The following HMCN1 variants were observed in gnomAD, a reference collection of about 807,000 sequenced individuals.
HMCN1 encodes hemicentin-1.
In HMCN1, 321 loss-of-function variants were observed where a neutral mutation model predicts 625.9. That is an observed-to-expected ratio of 0.51 (90% CI 0.47 to 0.56). HMCN1 has a LOEUF of 0.56. HMCN1 is among the 20% of genes least tolerant of loss of function. The pLI is 0.00. For synonymous variants in HMCN1, 2,425 were observed against 2,417.6 expected (o/e 1.00, Z -0.09); for missense variants, 6,588 against 6,887.3 (o/e 0.96, Z 1.54).
intron 45 of HMCN1, among the ~76,000 whole-genome samples, chr1:186,056,764 G>A (rs962835801): frequency 6.6e-6 from 1 of 151,680 alleles, no homozygotes; most frequent in Non-Finnish European, 1.5e-5. Context: ...AGAAAAGGAG[G>A]CAGGAGTTCA....
At chr1:186,137,300 C>T (rs892134190) in intron 87 of HMCN1, among the ~76,000 whole-genome samples, 198 bp from the exon 88 acceptor site, 5 of 152,148 alleles carry the variant, frequency 3.3e-5, no homozygotes, top group Non-Finnish European at 5.9e-5. Context: ...AGTGAGGATT[C>T]GATCTGAGAA....
In HMCN1 at chr1:185,802,166, G is replaced by C. The variant is rs932370898; in HGVS notation, c.269-43860G>C. Among the ~76,000 whole-genome samples, 4 of 152,096 alleles carry C rather than the reference G, an allele frequency of 2.6e-5. No homozygotes were observed. The South Asian group carries it at 6.2e-4, about 24-fold the overall frequency. Reference sequence around the variant, plus strand: ...TTGGGTAGGGGAGGAGTGAGGCTAGGCATGGGGTGAATCATGTCAACACCT... The same window carrying C: ...TTGGGTAGGGGAGGAGTGAGGCTAGCCATGGGGTGAATCATGTCAACACCT... On this transcript the variant is annotated intron_variant, in intron 1 of 106. Coordinates refer to ENST00000271588, the MANE Select transcript of HMCN1 (RefSeq NM_031935.3).
intron 76 of HMCN1, 84 bp downstream of exon 76, chr1:186,117,199 C>CT (rs878963318): frequency 0.028 from 32,857 of 1,152,968 alleles, no homozygotes; most frequent in Non-Finnish European, 0.032. Flanking sequence ...GATCCCTTTT[C>CT]TTTTTTTTTT....
Position 185,984,294 on chromosome 1 carries a change from T to C in HMCN1, c.2916T>C (p.Thr972=). The part of the protein sequence containing the change: ...ASNVAGTNNK[T]TSVVVHVLPT... ...ACGTTGCTGGGACCAATAACAAAAC[T>C]ACCTCTGTGGTTGTGCATGGTAAGA... Residue 972 remains threonine, a synonymous_variant, in exon 19 of 107, where the codon ACT becomes ACC. Coordinates refer to ENST00000271588, the MANE Select transcript of HMCN1 (RefSeq NM_031935.3). 3.7e-6 allele frequency: 6 copies of C among 1,614,050 alleles called. No individual in the cohort carries two copies. Among genetic ancestry groups the C allele is most frequent in the Non-Finnish European group, 5.1e-6 (6 of 1,179,936 alleles).
At chr1:186,105,369 A>G (rs1350583087) in intron 69 of HMCN1, among the ~76,000 whole-genome samples, 1 of 152,154 alleles carries the variant, frequency 6.6e-6, no homozygotes, top group Non-Finnish European at 1.5e-5. Context: ...ACTGCATTAT[A>G]TTTTGCTTAT....
chr1:185,975,232 G>A (rs951747550), intron 15 of HMCN1, among the ~76,000 whole-genome samples: 5 of 152,094 alleles, frequency 3.3e-5, no homozygotes, highest in East Asian at 1.9e-4. Context: ...GTATTCGTCC[G>A]TTCTCACATT....
At chr1:186,023,288 G>GT (rs74451695) in intron 36 of HMCN1, 135 bp downstream of exon 36, 78,612 of 508,000 alleles carry the variant, frequency 0.15, 47 homozygotes, top group South Asian at 0.2. Flanking sequence ...AAAACCTAGG[G>GT]TTTTTTTTTT....
intron 77 of HMCN1, 78 bp from the exon 78 acceptor site, chr1:186,119,112 AC>A (rs1661269540): frequency 3.9e-6 from 4 of 1,031,814 alleles, no homozygotes; most frequent in Admixed American, 1.7e-5. Flanking sequence ...TGCAGAAAAC[AC>A]ACAAAAGAGA....
At chr1:186,019,505 A>G in intron 34 of HMCN1, 36 bp from the exon 35 acceptor site, 1 of 1,534,078 alleles carries the variant, frequency 6.5e-7, no homozygotes, top group Non-Finnish European at 9.0e-7. Context: ...CTCACTGATT[A>G]TGGTTTCATT....
chr1:185,886,599 T>A (rs1664667019), intron 4 of HMCN1, among the ~76,000 whole-genome samples: 1 of 152,122 alleles, frequency 6.6e-6, no homozygotes, highest in East Asian at 1.9e-4. Flanking sequence ...TAGTTTTTTT[T>A]TTTAGAAAAT....
intron 29 of HMCN1, among the ~76,000 whole-genome samples, chr1:186,005,521 T>G (rs952172851): frequency 6.7e-6 from 1 of 148,910 alleles, no homozygotes; most frequent in Non-Finnish European, 1.5e-5. Context: ...TTTAATTGTT[T>G]AAATTGTTTA....
At chr1:185,820,797 C>G (rs761147223) in intron 1 of HMCN1, among the ~76,000 whole-genome samples, 4 of 152,034 alleles carry the variant, frequency 2.6e-5, no homozygotes, top group Non-Finnish European at 4.4e-5. Context: ...TGGTGTATAG[C>G]AATATTTTAT....
chr1:185,821,422 T>G (rs1268320131), intron 1 of HMCN1, among the ~76,000 whole-genome samples: 3 of 152,188 alleles, frequency 2.0e-5, no homozygotes, highest in Non-Finnish European at 4.4e-5. Context: ...ACTCGTATTC[T>G]GTCATATAAT....
At position 186,151,816 on chromosome 1, in the gene HMCN1, G is replaced by C. The variant is rs974831040; in HGVS notation, c.14896+73G>C. 3.5e-6 allele frequency: 5 copies of C among 1,443,548 alleles called. No homozygotes were observed. In the South Asian group the frequency reaches 3.5e-5, roughly 10 times the overall value. 89.4% of individuals were successfully genotyped at this position (1,443,548 alleles called of 1,614,324 possible). On this transcript the variant is annotated intron_variant, in intron 95 of 106. Coordinates refer to ENST00000271588, the MANE Select transcript of HMCN1 (RefSeq NM_031935.3). The stretch of plus-strand genomic sequence containing the variant: ...GAAGATAGGTGATTAAGAAAAATAC[G>C]TGTTCCCACATAGAATAATTTGAAA...
In HMCN1 at chr1:186,106,890, G is replaced by T; in HGVS notation, c.10777G>T (p.Asp3593Tyr). The T allele has an allele frequency of 6.2e-7, 1 of 1,606,522 alleles. No homozygotes were observed. Among genetic ancestry groups the T allele is most frequent in the Non-Finnish European group, 8.5e-7 (1 of 1,173,112 alleles). ...VLRISTAQVE[D>Y]TGRYTCLASS... The stretch of plus-strand genomic sequence containing the variant: ...CATTATTTGGGTTTTGTAGGTGGAG[G>T]ATACAGGAAGATATACATGTCTGGC... The change falls in exon 70 of 107, where the codon GAT (aspartate) becomes TAT (tyrosine). Residue 3593 changes from aspartate to tyrosine, a missense_variant. Asp to Tyr is a radical substitution (Grantham distance 160, BLOSUM62 -3). Around this residue, in one of 3 missense-constraint regions of HMCN1, gnomAD observed 4,628 missense variants for 4,853.1 expected, o/e 0.95. Coordinates refer to ENST00000271588, the MANE Select transcript of HMCN1 (RefSeq NM_031935.3).
intron 100 of HMCN1, among the ~76,000 whole-genome samples, chr1:186,170,941 A>C (rs1387725959): frequency 6.6e-6 from 1 of 152,188 alleles, no homozygotes; most frequent in Admixed American, 6.5e-5. Context: ...AGCAACAAGA[A>C]AGGGGAAGAA....
chr1:185,827,646 T>C (rs6425006), intron 1 of HMCN1, among the ~76,000 whole-genome samples: 10,187 of 152,020 alleles, frequency 0.067, 1,146 homozygotes, highest in African/African-American at 0.23. Flanking sequence ...GGAAATCAAG[T>C]ATGCACATTT....
At chr1:185,946,408 ATG>A (rs1478333495) in intron 11 of HMCN1, among the ~76,000 whole-genome samples, 1 of 152,226 alleles carries the variant, frequency 6.6e-6, no homozygotes, top group East Asian at 1.9e-4. Context: ...ACATGTACAT[ATG>A]TGTAAAACTT....
rs1408524738 is a variant in HMCN1 at position 186,120,011 on chromosome 1, G to A, written c.12095G>A (p.Gly4032Asp). The A allele has an allele frequency of 2.5e-6, 4 of 1,613,808 alleles. No individual in the cohort carries two copies. Among genetic ancestry groups the A allele is most frequent in the Non-Finnish European group, 3.4e-6 (4 of 1,179,944 alleles). ...CTCTGCTTTTGTAACTATGTTGTAG[G>A]CAGAAACCATGCAGTTCTTCCTAGT... Reference protein sequence around the residue: ...QKEGINVNTSGRNHAVLPSGG... With the variant: ...QKEGINVNTSDRNHAVLPSGG... Residue 4032 changes from glycine to aspartate, a missense_variant and splice_region_variant, in exon 80 of 107, where the codon GGC becomes GAC. By Grantham distance (94) the Gly-to-Asp change is moderately conservative (BLOSUM62 -1). Coordinates refer to ENST00000271588, the MANE Select transcript of HMCN1 (RefSeq NM_031935.3).
Sources: gnomAD v4.1 joint callset for allele counts (sites outside exome capture counted in the v4.1 genomes callset) on GRCh38, gnomAD v4.1.1 for gene constraint, gnomAD v4.1.1 regional missense constraint, MANE v1.5 for transcripts, NCBI Gene and HGNC (gene_info 2026-07-23, HGNC 2026-07-21) for gene names.